GPX7: variants seen among roughly 807,000 people sequenced by gnomAD.
GPX7 encodes the protein protein peroxidase GPX7.
GPX7 carries 21 observed loss-of-function variants against 23.7 expected under a neutral mutation model. The ratio of observed to expected loss-of-function variants is 0.89; its 90% confidence interval spans 0.63 to 1.28. The LOEUF (loss-of-function observed/expected upper bound fraction) is 1.28, where lower values mean the gene tolerates loss of function less well. GPX7 is among the 50% of genes most tolerant of loss of function. The pLI, the probability that GPX7 is intolerant of heterozygous loss-of-function variation, is 0.00. For missense variants in GPX7, 238 were observed against 237.3 expected (o/e 1.00, Z -0.02); for synonymous variants, 112 against 101.8 (o/e 1.10, Z -0.61).
intron 1 of GPX7, 78 bp from the exon 2 acceptor site, chr1:52,606,606 A>G (rs1690854793): frequency 6.7e-7 from 1 of 1,498,284 alleles, no homozygotes; most frequent in Admixed American, 1.8e-5. Flanking sequence ...ACATATGTGG[A>G]TGTGTCAGGG....
At chr1:52,602,863 G>T (rs999586349) in intron 1 of GPX7, among the ~76,000 whole-genome samples, 3 of 152,192 alleles carry the variant, frequency 2.0e-5, no homozygotes, top group African/African-American at 7.2e-5. Context: ...GGGAGGCCGG[G>T]CACCACTGCC....
At chr1:52,603,472 G>A (rs975093695) in intron 1 of GPX7, among the ~76,000 whole-genome samples, 1 of 152,172 alleles carries the variant, frequency 6.6e-6, no homozygotes, top group Non-Finnish European at 1.5e-5. Flanking sequence ...GCGGGACCTT[G>A]AACACTACAT....
chr1:52,603,418 A>G (rs935283467), intron 1 of GPX7, among the ~76,000 whole-genome samples: 39 of 152,298 alleles, frequency 2.6e-4, no homozygotes, highest in African/African-American at 8.7e-4. Flanking sequence ...GCTGGAGGCT[A>G]CGAGTGGTGG....
chr1:52,607,952 G>C (rs1422964088), intron 2 of GPX7, among the ~76,000 whole-genome samples: 1 of 152,162 alleles, frequency 6.6e-6, no homozygotes, highest in Non-Finnish European at 1.5e-5. Context: ...AACTGAACTA[G>C]AGAATAGGGT....
chr1:52,606,096 GCA>G, intron 1 of GPX7, among the ~76,000 whole-genome samples: 1 of 152,310 alleles, frequency 6.6e-6, no homozygotes, highest in East Asian at 1.9e-4. Context: ...GTGTTTGTGT[GCA>G]CACTTACTCA....
Position 52,606,819 on chromosome 1 carries a change from C to A in GPX7, c.274C>A (p.Gln92Lys). 6.2e-7 allele frequency: 1 copy of A among 1,614,212 alleles called. No individual in the cohort carries two copies. Among genetic ancestry groups the A allele is most frequent in the East Asian group, 2.2e-5 (1 of 44,884 alleles). ...CTTCCCCTGCAACCAGTTTGGCCAA[C>A]AGGAGCCTGACAGCAACAAGGAGAT... ...LAFPCNQFGQ[Q>K]EPDSNKEIES... The change falls in exon 2 of 3, where the codon CAG becomes AAG. Residue 92 changes from glutamine (Q) to lysine (K), a missense_variant. Transcript: ENST00000361314.
intron 1 of GPX7, among the ~76,000 whole-genome samples, chr1:52,603,204 G>T (rs1209585350): frequency 1.3e-5 from 2 of 152,168 alleles, no homozygotes; most frequent in Non-Finnish European, 2.9e-5. Context: ...CAGCTCAGGG[G>T]CACACATAAG....
chr1:52,603,684 A>G (rs1029183451), intron 1 of GPX7, among the ~76,000 whole-genome samples: 3 of 152,224 alleles, frequency 2.0e-5, no homozygotes, highest in African/African-American at 7.2e-5. Context: ...AGTGAAGACC[A>G]GTACTCTATA....
At chr1:52,607,528 C>A (rs2149860827) in intron 2 of GPX7, 1 of 153,286 alleles carries the variant, frequency 6.5e-6, no homozygotes, top group South Asian at 2.1e-4. Flanking sequence ...CCATTTCTTC[C>A]CTCAGGCCTT....
intron 1 of GPX7, among the ~76,000 whole-genome samples, chr1:52,603,224 G>A (rs1358318788): frequency 6.6e-6 from 1 of 152,152 alleles, no homozygotes; most frequent in African/African-American, 2.4e-5. Flanking sequence ...GAGTCATCCA[G>A]GCTAATTGCC....
Position 52,608,292 on chromosome 1 carries a change from TC to T in GPX7, c.432del (p.Trp145GlyfsTer4), listed in dbSNP as rs751752130. On this transcript the variant is annotated frameshift_variant, in exon 3 of 3. Coordinates refer to ENST00000361314, the MANE Select transcript of GPX7 (RefSeq NM_015696.5). LOFTEE classifies it high-confidence loss of function. ...TCTGGGAAGGAGCCCACCTGGAACT[TC>T]TGGAAGTACCTAGTAGCCCCAGATG... ...QTSGKEPTWN[F>X]WKYLVAPDGK... 3.7e-6 allele frequency: 6 copies of T among 1,613,152 alleles called. No individual in the cohort carries two copies. The African/African-American group carries it at 6.7e-5, about 18-fold the overall frequency.
At chr1:52,608,226 G>A in intron 2 of GPX7, 36 bp from the exon 3 acceptor site, 5 of 1,582,432 alleles carry the variant, frequency 3.2e-6, no homozygotes, top group Non-Finnish European at 4.3e-6. Flanking sequence ...AGGGTACGCA[G>A]GGTAGCACGC....
At chr1:52,604,880 T>G (rs1377298957) in intron 1 of GPX7, among the ~76,000 whole-genome samples, 1 of 151,830 alleles carries the variant, frequency 6.6e-6, no homozygotes, top group African/African-American at 2.4e-5. Context: ...CCGTCTGTAC[T>G]TAAAAAATAC....
intron 1 of GPX7, among the ~76,000 whole-genome samples, chr1:52,606,317 C>CCCCA (rs1367605127): frequency 9.9e-5 from 15 of 152,210 alleles, no homozygotes; most frequent in Middle Eastern, 3.4e-3. Context: ...AGTATGTGTG[C>CCCCA]CCCAGTCTGT....
intron 1 of GPX7, 97 bp from the exon 2 acceptor site, chr1:52,606,587 G>C: frequency 7.3e-7 from 1 of 1,360,982 alleles, no homozygotes; most frequent in African/African-American, 1.4e-5. Context: ...ATTAACTGTT[G>C]AGGGAGTCAC....
chr1:52,608,476 G>C lies in GPX7; in HGVS notation c.*51G>C. The C allele has an allele frequency of 1.3e-6, 2 of 1,482,244 alleles. No individual in the cohort carries two copies. Among genetic ancestry groups the C allele is most frequent in the Non-Finnish European group, 1.8e-6 (2 of 1,104,084 alleles). The allele number at this position is 1,482,244 out of a possible 1,614,324, so 91.8% of individuals were successfully genotyped here. A position where few individuals can be genotyped will look rare whatever the true frequency, so the allele number is the denominator to read the frequency against. ...TCATCCCGCCCACCTGTGTGGGGCT[G>C]ACCAATGCAAACTCAAATGGTGCTT... On this transcript the variant is annotated 3_prime_UTR_variant, in exon 3 of 3. Coordinates refer to ENST00000361314, the MANE Select transcript of GPX7 (RefSeq NM_015696.5).
chr1:52,602,561 G>T lies in GPX7; in HGVS notation c.138+14G>T, dbSNP rs1026640122. On this transcript the variant is annotated intron_variant, in intron 1 of 2. Transcript: ENST00000361314. ...TACCGCGGATCGGTGAGTGCGCGGG[G>T]TCTGGCGGCGCCGCTGGGCCCGGCC... 1.3e-6 allele frequency: 2 copies of T among 1,533,234 alleles called. No homozygotes were observed. The highest frequency in any genetic ancestry group is 2.1e-5 in the Admixed American group (1 of 48,178). The allele number at this position is 1,533,234 out of a possible 1,614,324, so 95.0% of individuals were successfully genotyped here. A position where few individuals can be genotyped will look rare whatever the true frequency, so the allele number is the denominator to read the frequency against.
In GPX7 at chr1:52,608,323, G is replaced by T. The variant is rs747249822; in HGVS notation, c.462G>T (p.Lys154Asn). 2 of 1,614,028 alleles carry T rather than the reference G, an allele frequency of 1.2e-6. No individual in the cohort carries two copies. The highest frequency in any genetic ancestry group is 1.7e-6 in the Non-Finnish European group (2 of 1,179,948). Residue 154 changes from lysine to asparagine, a missense_variant, in exon 3 of 3, where the codon AAG (lysine) becomes AAT (asparagine). By Grantham distance (94) the Lys-to-Asn change is moderately conservative. Coordinates refer to ENST00000361314, the MANE Select transcript of GPX7 (RefSeq NM_015696.5). The stretch of plus-strand genomic sequence containing the variant: ...AGTACCTAGTAGCCCCAGATGGAAA[G>T]GTGGTAGGGGCTTGGGACCCAACTG... ...FWKYLVAPDG[K>N]VVGAWDPTVS...
intron 1 of GPX7, among the ~76,000 whole-genome samples, chr1:52,605,665 C>A (rs1464264670): frequency 6.6e-6 from 1 of 152,090 alleles, no homozygotes; most frequent in Non-Finnish European, 1.5e-5. Context: ...AAGGATTAGT[C>A]TAATGATAAA....
Sources: allele counts gnomAD v4.1 joint callset (sites outside exome capture counted in the v4.1 genomes callset), GRCh38; gene constraint gnomAD v4.1.1; transcripts MANE v1.5; gene names NCBI Gene and HGNC (gene_info 2026-07-23, HGNC 2026-07-21).